TLL1: variants seen among roughly 807,000 people sequenced by gnomAD.
TLL1 encodes the protein tolloid-like protein 1.
TLL1 carries 49 observed loss-of-function variants against 128.2 expected under a neutral mutation model. The ratio of observed to expected loss-of-function variants is 0.38; its 90% confidence interval spans 0.30 to 0.48. The LOEUF is 0.48. Among genes scored for constraint, TLL1 ranks in the 20% least tolerant of loss-of-function variants. The probability of loss-of-function intolerance (pLI) is 0.96; values close to 1 mark genes in which losing one functional copy is unlikely to be tolerated. For synonymous variants in TLL1, 454 were observed against 418.8 expected, an observed-to-expected ratio of 1.08 and a Z score of -1.03; for missense variants, 1,123 against 1,242.0, an observed-to-expected ratio of 0.90 and a Z score of 1.44.
chr4:165,888,791 T>A (rs1363574697), intron 1 of TLL1, among the ~76,000 whole-genome samples: 1 of 152,216 alleles, frequency 6.6e-6, no homozygotes, highest in Non-Finnish European at 1.5e-5. Flanking sequence ...TAATTTTCAT[T>A]CTTCCTTATA....
At chr4:165,925,243 A>G (rs1347984521) in intron 1 of TLL1, among the ~76,000 whole-genome samples, 1 of 152,196 alleles carries the variant, frequency 6.6e-6, no homozygotes, top group Non-Finnish European at 1.5e-5. Flanking sequence ...GGTCTGAGCA[A>G]AGTAAATCGT....
chr4:166,083,363 T>C lies in TLL1; in HGVS notation c.2442+5333T>C, dbSNP rs74948170. 8.7e-3 allele frequency among the ~76,000 whole-genome samples: 1,078 copies of C among 124,150 alleles called. 128 individuals are homozygous for C. The highest frequency in any genetic ancestry group is 0.024 in the African/African-American group (980 of 40,082). The allele number at this position is 124,150 out of a possible 152,430, so 81.4% of individuals were successfully genotyped here. A position where few individuals can be genotyped will look rare whatever the true frequency, so the allele number is the denominator to read the frequency against. On this transcript the variant is annotated intron_variant, in intron 18 of 20. Coordinates refer to ENST00000061240, the MANE Select transcript of TLL1 (RefSeq NM_012464.5). ...ACTAAATTTAGCTAATTAATATATGTATTATTCATGTTTTGATCATATTTG... is the reference window on the plus strand; with the variant it reads ...ACTAAATTTAGCTAATTAATATATGCATTATTCATGTTTTGATCATATTTG...
intron 8 of TLL1, 151 bp from the exon 9 acceptor site, chr4:166,025,165 A>C: frequency 1.6e-6 from 1 of 620,636 alleles, no homozygotes; most frequent in Non-Finnish European, 2.9e-6. Context: ...AAGGGACATA[A>C]AAATAAATTT....
At chr4:165,914,398 A>G (rs1242383223) in intron 1 of TLL1, among the ~76,000 whole-genome samples, 1 of 152,218 alleles carries the variant, frequency 6.6e-6, no homozygotes, top group Non-Finnish European at 1.5e-5. Context: ...CTGTCAGGAA[A>G]GTTATGTAGA....
chr4:166,008,747 G>T (rs1243653016), intron 7 of TLL1, among the ~76,000 whole-genome samples: 1 of 150,442 alleles, frequency 6.6e-6, no homozygotes, highest in Non-Finnish European at 1.5e-5. Context: ...TTAAACCATT[G>T]AATTCACCCC....
rs1730592747 is a variant in TLL1 at position 165,873,717 on chromosome 4, G to C, written c.-188G>C. The C allele has an allele frequency of 1.7e-6, 1 of 602,964 alleles. No homozygotes were observed. Among genetic ancestry groups the C allele is most frequent in the South Asian group, 2.0e-5 (1 of 49,066 alleles). 37.4% of individuals were successfully genotyped at this position (602,964 alleles called of 1,614,324 possible). On this transcript the variant is annotated 5_prime_UTR_variant, in exon 1 of 21. Transcript: ENST00000061240. ...CTTCTCCCTGCGACTGGGGGTAACA[G>C]GCAGTGCTTGCCCTCTCTACTGTCC...
rs1579721857 is a variant in TLL1 at position 166,083,302 on chromosome 4, A to G, written c.2442+5272A>G. Among the ~76,000 whole-genome samples, 3 of 123,522 alleles carry G rather than the reference A, an allele frequency of 2.4e-5. 1 individual carries two copies. Among genetic ancestry groups the G allele is most frequent in the Admixed American group, 9.6e-5 (1 of 10,388 alleles). 81.0% of individuals were successfully genotyped at this position (123,522 alleles called of 152,430 possible). ...AAATTGCATGTATTTACCATGTACAATGTGATATATTGAAGTATATGTACA... is the reference window on the plus strand; with the variant it reads ...AAATTGCATGTATTTACCATGTACAGTGTGATATATTGAAGTATATGTACA... On this transcript the variant is annotated intron_variant, in intron 18 of 20. Transcript: ENST00000061240.
rs555872428 is a variant in TLL1 at position 166,051,113 on chromosome 4, C to T, written c.1525-3963C>T. Among the ~76,000 whole-genome samples, 14 of 152,184 alleles carry T rather than the reference C, an allele frequency of 9.2e-5. No homozygotes were observed. The South Asian group carries it at 1.0e-3, about 11-fold the overall frequency. On this transcript the variant is annotated intron_variant, in intron 12 of 20. Coordinates refer to ENST00000061240, the MANE Select transcript of TLL1 (RefSeq NM_012464.5). ...GCTTACCTTAAAGTGTGTAAGAAAT[C>T]GGCATCATCTTTATTTATTATATGT... is the stretch of plus-strand genomic sequence containing the variant.
At chr4:165,987,934 A>G (rs1579586674) in intron 1 of TLL1, among the ~76,000 whole-genome samples, 1 of 152,252 alleles carries the variant, frequency 6.6e-6, no homozygotes, top group East Asian at 1.9e-4. Context: ...ATTTTAATGT[A>G]TTTTCTTTCT....
intron 1 of TLL1, among the ~76,000 whole-genome samples, chr4:165,897,631 T>C (rs1034953038): frequency 5.9e-5 from 9 of 151,448 alleles, no homozygotes; most frequent in Non-Finnish European, 1.2e-4. Flanking sequence ...TACTGTAGCC[T>C]TATAGTATAG....
intron 1 of TLL1, among the ~76,000 whole-genome samples, chr4:165,913,595 A>G (rs1351651964): frequency 2.0e-5 from 3 of 152,160 alleles, no homozygotes; most frequent in African/African-American, 7.2e-5. Flanking sequence ...ATTGCCCTTA[A>G]TTTGCTGTTA....
At chr4:165,942,256 G>A (rs1035991045) in intron 1 of TLL1, among the ~76,000 whole-genome samples, 1 of 150,864 alleles carries the variant, frequency 6.6e-6, no homozygotes, top group Non-Finnish European at 1.5e-5. Context: ...TTGCCTCCAA[G>A]GTGCTTCCCA....
At chr4:165,949,252 G>A (rs1734397173) in intron 1 of TLL1, among the ~76,000 whole-genome samples, 1 of 152,020 alleles carries the variant, frequency 6.6e-6, no homozygotes, top group Non-Finnish European at 1.5e-5. Flanking sequence ...AAGAAACCAG[G>A]CACCTCCACT....
chr4:166,060,004 C>A lies in TLL1; in HGVS notation c.1847-24C>A, dbSNP rs139413362. 3 of 1,612,148 alleles carry A rather than the reference C, an allele frequency of 1.9e-6. No individual in the cohort carries two copies. In the African/African-American group the frequency reaches 4.0e-5, roughly 22 times the overall value. ...TGGGTGACTTCATGGGGAGAATATA[C>A]CTTTTTCTTTTCTTTTCTTCTAGCT... On this transcript the variant is annotated intron_variant, in intron 14 of 20. Coordinates refer to ENST00000061240, the MANE Select transcript of TLL1 (RefSeq NM_012464.5).
chr4:165,993,354 T>A (rs1204687203), intron 3 of TLL1, among the ~76,000 whole-genome samples: 4 of 152,032 alleles, frequency 2.6e-5, no homozygotes, highest in Non-Finnish European at 4.4e-5. Context: ...CATTCAGAAC[T>A]AATTATGCCT....
chr4:165,942,309 C>T (rs181941307), intron 1 of TLL1, among the ~76,000 whole-genome samples: 6 of 151,752 alleles, frequency 4.0e-5, no homozygotes, highest in Admixed American at 6.6e-5. Flanking sequence ...CTCCATCCTC[C>T]GCCAAGACTC....
chr4:165,878,949 T>TC (rs1730852320), intron 1 of TLL1, among the ~76,000 whole-genome samples: 1 of 98,818 alleles, frequency 1.0e-5, no homozygotes, highest in Non-Finnish European at 2.0e-5. Context: ...TTTTTTTTTT[T>TC]CTGAGACAGG....
intron 9 of TLL1, among the ~76,000 whole-genome samples, chr4:166,028,387 TA>T (rs1354415897): frequency 1.3e-5 from 2 of 152,026 alleles, no homozygotes; most frequent in African/African-American, 4.8e-5. Flanking sequence ...CACCTTTAGG[TA>T]AAGCACTATC....
At position 166,047,328 on chromosome 4, in the gene TLL1, C is replaced by A. The variant is rs1739502014; in HGVS notation, c.1524+3909C>A. On this transcript the variant is annotated intron_variant, in intron 12 of 20. Coordinates refer to ENST00000061240, the MANE Select transcript of TLL1 (RefSeq NM_012464.5). ...TACAGGCGTGTGCCACTGTGCCTGG[C>A]TAATTTTTTGTATTTTTAGTAGAGA... 2.6e-5 allele frequency among the ~76,000 whole-genome samples: 4 copies of A among 151,516 alleles called. No homozygotes were observed. In the South Asian group the frequency reaches 8.3e-4, roughly 32 times the overall value.
Sources: allele counts gnomAD v4.1 joint callset (sites outside exome capture counted in the v4.1 genomes callset), GRCh38; gene constraint gnomAD v4.1.1; transcripts MANE v1.5; gene names NCBI Gene and HGNC (gene_info 2026-07-23, HGNC 2026-07-21).